The following TTLL9 variants were observed in gnomAD, a reference collection of about 807,000 sequenced individuals.
TTLL9 encodes tubulin tyrosine ligase like 9.
A neutral mutation model predicts 65.6 loss-of-function variants in TTLL9; 47 were observed. The ratio of observed to expected loss-of-function variants is 0.72; its 90% CI spans 0.57 to 0.91. The LOEUF is 0.91. Ranked by LOEUF, TTLL9 falls within the 40% of genes least tolerant of loss-of-function variation. The probability of loss-of-function intolerance (pLI) is 0.00; values close to 1 mark genes in which losing one functional copy is unlikely to be tolerated. For missense variants in TTLL9, 537 were observed against 568.8 expected (o/e 0.94, Z 0.57); for synonymous variants, 179 against 204.8 (o/e 0.87, Z 1.07).
At chr20:31,924,882 T>G (rs1320753769) in intron 8 of TTLL9, 127 bp from the exon 9 acceptor site, 11 of 1,023,740 alleles carry the variant, frequency 1.1e-5, no homozygotes, top group Admixed American at 2.0e-5. Context: ...TAGCCCCTTG[T>G]GTAGTTTCAG....
chr20:31,889,771 T>G (rs2063258222), intron 3 of TTLL9, among the ~76,000 whole-genome samples: 1 of 151,424 alleles, frequency 6.6e-6, no homozygotes, highest in African/African-American at 2.4e-5. Flanking sequence ...GGTCTCACTA[T>G]GTTGCCCAGG....
chr20:31,898,796 A>G (rs1446123990), intron 4 of TTLL9, among the ~76,000 whole-genome samples: 1 of 152,210 alleles, frequency 6.6e-6, no homozygotes, highest in African/African-American at 2.4e-5. Flanking sequence ...TAGGAAACCA[A>G]TTGCTTAAGG....
chr20:31,886,735 C>T (rs2063193420), intron 2 of TTLL9, among the ~76,000 whole-genome samples: 1 of 152,206 alleles, frequency 6.6e-6, no homozygotes, highest in Non-Finnish European at 1.5e-5. Flanking sequence ...AGGAGAATCA[C>T]TTGAACCTGG....
At chr20:31,918,364 G>A (rs769283865) in intron 6 of TTLL9, among the ~76,000 whole-genome samples, 46 of 151,838 alleles carry the variant, frequency 3.0e-4, no homozygotes, top group Non-Finnish European at 5.7e-4. Context: ...TTGAGTGCCC[G>A]TTCTTTTCTT....
intron 2 of TTLL9, among the ~76,000 whole-genome samples, chr20:31,872,261 G>A (rs1211291594): frequency 2.6e-5 from 4 of 152,190 alleles, no homozygotes; most frequent in Admixed American, 2.6e-4. Flanking sequence ...TGTTTAAAGA[G>A]TGGAAAGCCA....
Position 31,943,590 on chromosome 20 carries a change from TCTC to T in TTLL9, c.*572_*574del, listed in dbSNP as rs974186163. 1.1e-5 allele frequency: 4 copies of T among 371,512 alleles called. No individual in the cohort carries two copies. Among genetic ancestry groups the T allele is most frequent in the African/African-American group, 2.1e-5 (1 of 46,950 alleles). 23.0% of individuals were successfully genotyped at this position (371,512 alleles called of 1,614,324 possible). ...GTACTGAGCCCTAAACACATCCTCT[TCTC>T]CTTGCATGTCAGGGGAGCCCATGGG... On this transcript the variant is annotated 3_prime_UTR_variant, in exon 15 of 15. Coordinates refer to ENST00000535842, the MANE Select transcript of TTLL9 (RefSeq NM_001008409.5).
rs370437907 is a variant in TTLL9 at position 31,919,822 on chromosome 20, C to T, written c.505-42C>T. ...AGCCACGGGGGCCAACAAGGAACCA[C>T]GCAGAGCTAAGAGCTGGCTTTCTGC... On this transcript the variant is annotated intron_variant, in intron 6 of 14. Transcript: ENST00000535842. The T allele has an allele frequency of 9.1e-5, 138 of 1,523,710 alleles. 1 individual carries two copies. The African/African-American group carries it at 1.4e-3, about 15-fold the overall frequency. The allele number at this position is 1,523,710 out of a possible 1,614,324, so 94.4% of individuals were successfully genotyped here.
chr20:31,900,373 G>A (rs2063460283), intron 4 of TTLL9, among the ~76,000 whole-genome samples: 1 of 152,186 alleles, frequency 6.6e-6, no homozygotes. Flanking sequence ...CAGCTTGTGA[G>A]GGTTTGGGCT....
chr20:31,919,875 T>C lies in TTLL9; in HGVS notation c.516T>C (p.Ser172=). ...CCATCCCACCCCAGGTAGCCCGGTC[T>C]CAAGGGAAAGGCATCTTCCTCTTCC... ...ITWIMKPVAR[S]QGKGIFLFRR... The change falls in exon 7 of 15, where the codon TCT becomes TCC. Residue 172 remains serine (S), a synonymous_variant. Coordinates refer to ENST00000535842, the MANE Select transcript of TTLL9 (RefSeq NM_001008409.5). 1.3e-6 allele frequency: 2 copies of C among 1,591,926 alleles called. No individual in the cohort carries two copies. Among genetic ancestry groups the C allele is most frequent in the Non-Finnish European group, 1.7e-6 (2 of 1,169,770 alleles).
intron 6 of TTLL9, among the ~76,000 whole-genome samples, chr20:31,910,940 A>G (rs6087797): frequency 0.56 from 84,515 of 151,874 alleles, 23,868 homozygotes; most frequent in Admixed American, 0.6. Flanking sequence ...TTGAGAGTCC[A>G]AGGCAGGTGG....
chr20:31,906,765 C>G (rs11698188), intron 4 of TTLL9, among the ~76,000 whole-genome samples: 67,305 of 151,918 alleles, frequency 0.44, 15,524 homozygotes, highest in Admixed American at 0.51. Context: ...TCTCCCACCT[C>G]AGCCTCCTGA....
At chr20:31,899,372 A>G (rs2063436868) in intron 4 of TTLL9, among the ~76,000 whole-genome samples, 1 of 152,220 alleles carries the variant, frequency 6.6e-6, no homozygotes, top group Non-Finnish European at 1.5e-5. Flanking sequence ...GCTCACACCT[A>G]TAATTCCAGC....
At chr20:31,877,123 T>C (rs2063047859) in intron 2 of TTLL9, among the ~76,000 whole-genome samples, 1 of 152,174 alleles carries the variant, frequency 6.6e-6, no homozygotes, top group African/African-American at 2.4e-5. Flanking sequence ...AATCCTTTGT[T>C]ATATATGTTG....
chr20:31,900,675 T>C (rs1374799360), intron 4 of TTLL9, among the ~76,000 whole-genome samples: 1 of 152,196 alleles, frequency 6.6e-6, no homozygotes, highest in Admixed American at 6.5e-5. Flanking sequence ...CTTGTGATCA[T>C]GCTAATATCC....
At chr20:31,916,829 A>G (rs2063741771) in intron 6 of TTLL9, among the ~76,000 whole-genome samples, 1 of 152,216 alleles carries the variant, frequency 6.6e-6, no homozygotes, top group Non-Finnish European at 1.5e-5. Flanking sequence ...ATTTTTAACA[A>G]GGAGAAACAT....
At chr20:31,873,370 T>C (rs1266374304) in intron 2 of TTLL9, among the ~76,000 whole-genome samples, 1 of 152,248 alleles carries the variant, frequency 6.6e-6, no homozygotes, top group East Asian at 1.9e-4. Flanking sequence ...ATGCTGATGC[T>C]GGGCGTGGTG....
chr20:31,911,212 G>C (rs1263406809), intron 6 of TTLL9, among the ~76,000 whole-genome samples: 1 of 152,024 alleles, frequency 6.6e-6, no homozygotes, highest in East Asian at 1.9e-4. Context: ...CTGAAGAAAG[G>C]TGAGGACAAC....
At chr20:31,918,318 A>G (rs17341431) in intron 6 of TTLL9, among the ~76,000 whole-genome samples, 12,244 of 151,992 alleles carry the variant, frequency 0.081, 634 homozygotes, top group Non-Finnish European at 0.12. Flanking sequence ...TGTTCTGTCA[A>G]TTAGCACTTC....
chr20:31,872,286 T>C (rs528542662), intron 2 of TTLL9, among the ~76,000 whole-genome samples: 1 of 152,302 alleles, frequency 6.6e-6, no homozygotes, highest in East Asian at 1.9e-4. Flanking sequence ...CAGTGGCTCA[T>C]GCCTGTAATC....
Sources: allele counts gnomAD v4.1 joint callset (sites outside exome capture counted in the v4.1 genomes callset), GRCh38; gene constraint gnomAD v4.1.1; transcripts MANE v1.5; gene names NCBI Gene and HGNC (gene_info 2026-07-23, HGNC 2026-07-21).